RTN3: variants seen among roughly 807,000 people sequenced by gnomAD.
The protein encoded by RTN3 is reticulon-3.
Under a neutral mutation model 77.8 loss-of-function variants are expected in RTN3, and 49 were observed. That is an observed-to-expected ratio of 0.63 (90% CI 0.50 to 0.80). The LOEUF (loss-of-function observed/expected upper bound fraction) is 0.80. Ranked by LOEUF, RTN3 falls within the 30% of genes least tolerant of loss-of-function variation. The pLI is 0.00. For missense variants in RTN3, 1,236 were observed against 1,211.9 expected (o/e 1.02, Z -0.29); for synonymous variants, 464 against 446.9 (o/e 1.04, Z -0.48).
intron 1 of RTN3, among the ~76,000 whole-genome samples, chr11:63,704,333 C>G (rs1266476874): frequency 6.6e-6 from 1 of 152,082 alleles, no homozygotes; most frequent in Non-Finnish European, 1.5e-5. Flanking sequence ...AGATAGATTT[C>G]TCATGTAGTC....
At chr11:63,694,950 G>A (rs1365939956) in intron 1 of RTN3, among the ~76,000 whole-genome samples, 1 of 152,174 alleles carries the variant, frequency 6.6e-6, no homozygotes, top group East Asian at 1.9e-4. Flanking sequence ...AATTAGCACT[G>A]TTTTGACTTA....
At chr11:63,691,912 T>C (rs983575227) in intron 1 of RTN3, among the ~76,000 whole-genome samples, 1 of 152,204 alleles carries the variant, frequency 6.6e-6, no homozygotes, top group Non-Finnish European at 1.5e-5. Context: ...ATGTCACTTA[T>C]GGGCCAAGTG....
chr11:63,695,974 GAAC>G (rs1941917391), intron 1 of RTN3, among the ~76,000 whole-genome samples: 3 of 151,770 alleles, frequency 2.0e-5, no homozygotes, highest in African/African-American at 7.3e-5. Context: ...AGAATACGAT[GAAC>G]ATCTCTTAGT....
At chr11:63,691,525 G>T (rs1941658685) in intron 1 of RTN3, among the ~76,000 whole-genome samples, 1 of 152,116 alleles carries the variant, frequency 6.6e-6, no homozygotes, top group Non-Finnish European at 1.5e-5. Context: ...TCAAAGTGCT[G>T]GGATTATAGG....
At chr11:63,703,145 TAC>T (rs1246572908) in intron 1 of RTN3, among the ~76,000 whole-genome samples, 3 of 152,210 alleles carry the variant, frequency 2.0e-5, no homozygotes, top group Non-Finnish European at 4.4e-5. Context: ...TTAAAAACAA[TAC>T]AGTGTAACAA....
intron 3 of RTN3, among the ~76,000 whole-genome samples, chr11:63,741,593 G>T (rs1032858230): frequency 2.0e-5 from 3 of 151,368 alleles, no homozygotes; most frequent in African/African-American, 7.3e-5. Flanking sequence ...TCTGCCTCCC[G>T]GGTTCAAGTG....
At chr11:63,750,796 A>G (rs1365222894) in intron 4 of RTN3, among the ~76,000 whole-genome samples, 2 of 151,296 alleles carry the variant, frequency 1.3e-5, no homozygotes, top group East Asian at 3.9e-4. Context: ...CAGCGGTGCA[A>G]TCTCGGCTCA....
chr11:63,705,194 T>C (rs896875977), intron 2 of RTN3, among the ~76,000 whole-genome samples: 1 of 152,182 alleles, frequency 6.6e-6, no homozygotes, highest in Admixed American at 6.5e-5. Context: ...GCAGATAGAA[T>C]TGTGGCTCAG....
At chr11:63,699,106 G>GTT in intron 1 of RTN3, among the ~76,000 whole-genome samples, 1 of 152,110 alleles carries the variant, frequency 6.6e-6, no homozygotes, top group Non-Finnish European at 1.5e-5. Context: ...TGCCAGCATG[G>GTT]TGAAACCCCA....
intron 3 of RTN3, among the ~76,000 whole-genome samples, chr11:63,723,430 T>G (rs2011966593): frequency 6.6e-6 from 1 of 151,098 alleles, no homozygotes; most frequent in Non-Finnish European, 1.5e-5. Flanking sequence ...TTTTTTTTTT[T>G]TTTAATTTTT....
intron 3 of RTN3, chr11:63,746,966 C>T (rs573896807): frequency 2.2e-6 from 1 of 456,028 alleles, no homozygotes; most frequent in East Asian, 6.9e-5. Flanking sequence ...TAGGATCACA[C>T]TTTGTGCCTC....
intron 3 of RTN3, among the ~76,000 whole-genome samples, chr11:63,737,219 A>G (rs796555723): frequency 3.9e-5 from 6 of 152,350 alleles, no homozygotes; most frequent in African/African-American, 9.6e-5. Context: ...CATAAAAACT[A>G]AAACCAAAAA....
chr11:63,737,218 T>G (rs1455484005), intron 3 of RTN3, among the ~76,000 whole-genome samples: 1 of 152,160 alleles, frequency 6.6e-6, no homozygotes, highest in African/African-American at 2.4e-5. Context: ...ACATAAAAAC[T>G]AAAACCAAAA....
At chr11:63,694,766 A>G (rs1941852184) in intron 1 of RTN3, among the ~76,000 whole-genome samples, 1 of 152,062 alleles carries the variant, frequency 6.6e-6, no homozygotes, top group Non-Finnish European at 1.5e-5. Flanking sequence ...CCTTTAACCA[A>G]TTTCATATCT....
intron 3 of RTN3, among the ~76,000 whole-genome samples, chr11:63,728,040 G>T (rs1289316904): frequency 6.6e-6 from 1 of 152,118 alleles, no homozygotes. Context: ...CTCATAAACT[G>T]TAAACTAGCA....
intron 4 of RTN3, 171 bp downstream of exon 4, chr11:63,750,369 C>A: frequency 3.3e-6 from 2 of 604,468 alleles, no homozygotes; most frequent in Non-Finnish European, 5.8e-6. Flanking sequence ...AAGAAGTGGC[C>A]AAGTTAGAAG....
chr11:63,756,184 G>A lies in RTN3; in HGVS notation c.3053+14G>A. 1 of 1,587,788 alleles carries A rather than the reference G, an allele frequency of 6.3e-7. No individual in the cohort carries two copies. The highest frequency in any genetic ancestry group is 8.6e-7 in the Non-Finnish European group (1 of 1,156,122). ...AATTGTTGAAAAGTAAGTACATTTA[G>A]AGACCACATCATCATGAGGTATGCT... On this transcript the variant is annotated intron_variant, in intron 8 of 8. Coordinates refer to ENST00000377819, the MANE Select transcript of RTN3 (RefSeq NM_001265589.2).
chr11:63,725,254 T>A (rs1165518347), intron 3 of RTN3, among the ~76,000 whole-genome samples: 2 of 152,202 alleles, frequency 1.3e-5, no homozygotes, highest in Non-Finnish European at 2.9e-5. Context: ...GTTTGTTGTA[T>A]AACGTTTTCC....
At position 63,759,509 on chromosome 11, in the gene RTN3, T is replaced by A. The variant is rs2014559817; in HGVS notation, c.*1308T>A. The A allele has an allele frequency of 6.6e-6, 1 of 152,644 alleles. No individual in the cohort carries two copies. The highest frequency in any genetic ancestry group is 1.5e-5 in the Non-Finnish European group (1 of 68,042). The allele number at this position is 152,644 out of a possible 1,614,324, so 9.5% of individuals were successfully genotyped here. On this transcript the variant is annotated 3_prime_UTR_variant, in exon 9 of 9. Transcript: ENST00000377819. The stretch of plus-strand genomic sequence containing the variant: ...TACCCTTGCCTTACTCCATCTTATT[T>A]TCTTAGCCCCCTTTGAGTGTTTTAA...
Sources: allele counts gnomAD v4.1 joint callset (sites outside exome capture counted in the v4.1 genomes callset), GRCh38; gene constraint gnomAD v4.1.1; transcripts MANE v1.5; gene names NCBI Gene and HGNC (gene_info 2026-07-23, HGNC 2026-07-21).